Variants in CDKAL1 observed in about 807,000 individuals in gnomAD.
CDKAL1 encodes threonylcarbamoyladenosine tRNA methylthiotransferase.
In CDKAL1, 32 loss-of-function variants were observed where a neutral mutation model predicts 68.2. That is an observed-to-expected ratio of 0.47 (90% CI 0.35 to 0.63). The LOEUF is 0.63. Among genes scored for constraint, CDKAL1 ranks in the 30% least tolerant of loss-of-function variants. The pLI, the probability that CDKAL1 is intolerant of heterozygous loss-of-function variation, is 0.00. For missense variants in CDKAL1, 606 were observed against 696.7 expected (o/e 0.87, Z 1.47); for synonymous variants, 234 against 244.3 (o/e 0.96, Z 0.39).
intron 9 of CDKAL1, among the ~76,000 whole-genome samples, chr6:20,922,682 A>G (rs1308269946): frequency 6.6e-6 from 1 of 152,234 alleles, no homozygotes; most frequent in African/African-American, 2.4e-5. Context: ...TTCAGTTTAT[A>G]AGATCTGACT....
intron 9 of CDKAL1, among the ~76,000 whole-genome samples, chr6:20,935,985 C>A (rs373606875): frequency 1.3e-5 from 2 of 152,130 alleles, no homozygotes; most frequent in East Asian, 3.9e-4. Flanking sequence ...CACACTGCTG[C>A]ACCTTGTCCC....
At chr6:20,673,670 C>T (rs919314117) in intron 5 of CDKAL1, among the ~76,000 whole-genome samples, 1 of 152,102 alleles carries the variant, frequency 6.6e-6, no homozygotes, top group African/African-American at 2.4e-5. Flanking sequence ...GGTCTTTACC[C>T]TGCTGTTCTC....
chr6:21,214,914 T>TG (rs1779289787), intron 15 of CDKAL1, among the ~76,000 whole-genome samples: 1 of 130,434 alleles, frequency 7.7e-6, no homozygotes, highest in Non-Finnish European at 1.7e-5. Flanking sequence ...TGAATGAATT[T>TG]GTTCCGGAGA....
intron 4 of CDKAL1, among the ~76,000 whole-genome samples, chr6:20,563,681 GAT>G (rs1764354479): frequency 6.6e-6 from 1 of 150,858 alleles, no homozygotes. Flanking sequence ...TTAACATAGA[GAT>G]ATGAAGAATA....
chr6:21,089,404 G>A (rs149667138), intron 12 of CDKAL1, among the ~76,000 whole-genome samples: 1 of 152,300 alleles, frequency 6.6e-6, no homozygotes, highest in Non-Finnish European at 1.5e-5. Context: ...TGGAGCCTAG[G>A]AGGCAGAGGC....
At chr6:20,934,921 T>A (rs1414671980) in intron 9 of CDKAL1, among the ~76,000 whole-genome samples, 2 of 138,884 alleles carry the variant, frequency 1.4e-5, no homozygotes, top group East Asian at 2.1e-4. Flanking sequence ...TTTTTTTGAG[T>A]TGAAGTCTCT....
At chr6:20,823,910 T>C (rs1777391783) in intron 8 of CDKAL1, among the ~76,000 whole-genome samples, 1 of 152,018 alleles carries the variant, frequency 6.6e-6, no homozygotes, top group Admixed American at 6.6e-5. Flanking sequence ...AAAATAATAA[T>C]AAAAGCAAGA....
At chr6:21,127,743 C>CA (rs1775089848) in intron 13 of CDKAL1, among the ~76,000 whole-genome samples, 1 of 151,942 alleles carries the variant, frequency 6.6e-6, no homozygotes, top group African/African-American at 2.4e-5. Flanking sequence ...GAGTGAGACT[C>CA]TATCTCAGGA....
intron 5 of CDKAL1, among the ~76,000 whole-genome samples, chr6:20,693,129 CAAA>C (rs70990059): frequency 1.5e-4 from 10 of 67,616 alleles, no homozygotes; most frequent in African/African-American, 5.6e-4. Context: ...GACTCTGTCT[CAAA>C]AAAAAAAAAA....
chr6:21,104,018 C>T (rs1582204973), intron 12 of CDKAL1, among the ~76,000 whole-genome samples: 1 of 152,172 alleles, frequency 6.6e-6, no homozygotes, highest in East Asian at 1.9e-4. Flanking sequence ...GAGAAACTGG[C>T]TCACTAGTAA....
At chr6:20,953,271 C>T (rs940891741) in intron 9 of CDKAL1, among the ~76,000 whole-genome samples, 1 of 152,188 alleles carries the variant, frequency 6.6e-6, no homozygotes, top group African/African-American at 2.4e-5. Flanking sequence ...TGCTGTTTCT[C>T]TATGGATGTT....
intron 5 of CDKAL1, among the ~76,000 whole-genome samples, chr6:20,665,964 AT>A (rs1383554963): frequency 2.0e-5 from 3 of 152,144 alleles, no homozygotes; most frequent in African/African-American, 7.2e-5. Flanking sequence ...CCCAATTAGT[AT>A]TATATCCAAA....
chr6:20,561,446 G>GAAAAAACAAAAAAAAAA (rs1764263153), intron 4 of CDKAL1, among the ~76,000 whole-genome samples: 1 of 79,652 alleles, frequency 1.3e-5, no homozygotes, highest in African/African-American at 4.9e-5. Context: ...TCTCAAAAAA[G>GAAAAAACAAAAAAAAAA]AAAAAAAAAA....
intron 12 of CDKAL1, among the ~76,000 whole-genome samples, chr6:21,093,058 G>T (rs1258005016): frequency 1.3e-5 from 2 of 152,040 alleles, no homozygotes; most frequent in Non-Finnish European, 2.9e-5. Flanking sequence ...GAAGAAATTG[G>T]CAATGAATAA....
intron 9 of CDKAL1, among the ~76,000 whole-genome samples, chr6:20,888,769 G>A (rs1047934871): frequency 5.9e-5 from 9 of 151,902 alleles, no homozygotes; most frequent in Non-Finnish European, 1.2e-4. Context: ...CCAGTCTGTC[G>A]TTGTTGGACG....
chr6:20,780,670 C>CTTTTTTTT (rs1223553462), intron 7 of CDKAL1, among the ~76,000 whole-genome samples: 7 of 38,170 alleles, frequency 1.8e-4, no homozygotes, highest in African/African-American at 4.6e-4. Flanking sequence ...ATTTCTTTTT[C>CTTTTTTTT]TTTTTTTTTT....
intron 15 of CDKAL1, among the ~76,000 whole-genome samples, chr6:21,227,978 T>C (rs985165999): frequency 2.0e-5 from 3 of 152,200 alleles, no homozygotes; most frequent in Non-Finnish European, 4.4e-5. Context: ...AAACGTGTTA[T>C]CAACCCAACT....
At chr6:20,695,992 TTGAC>T (rs1166474907) in intron 5 of CDKAL1, among the ~76,000 whole-genome samples, 2 of 152,246 alleles carry the variant, frequency 1.3e-5, no homozygotes, top group Non-Finnish European at 2.9e-5. Context: ...CTCTCTGAAT[TTGAC>T]TGTTCCAGAT....
chr6:21,208,358 CCT>C (rs1435599433), intron 15 of CDKAL1, among the ~76,000 whole-genome samples: 1 of 152,124 alleles, frequency 6.6e-6, no homozygotes, highest in African/African-American at 2.4e-5. Context: ...AAAATGTTTT[CCT>C]CTCCATCTGA....
Sources: gnomAD v4.1 joint callset for allele counts (sites outside exome capture counted in the v4.1 genomes callset) on GRCh38, gnomAD v4.1.1 for gene constraint, MANE v1.5 for transcripts, NCBI Gene and HGNC (gene_info 2026-07-23, HGNC 2026-07-21) for gene names.